PSME4: variants seen among roughly 807,000 people sequenced by gnomAD.
PSME4 encodes the protein proteasome activator subunit 4, also known as proteasome activator complex subunit 4.
PSME4 carries 89 observed loss-of-function variants against 253.9 expected under a neutral mutation model. The observed-to-expected ratio is 0.35, with a 90% CI of 0.30 to 0.42. PSME4 has a LOEUF of 0.42. Ranked by LOEUF, PSME4 falls within the 10% of genes least tolerant of loss-of-function variation. The probability of loss-of-function intolerance (pLI) is 1.00; values close to 1 mark genes in which losing one functional copy is unlikely to be tolerated. For synonymous variants in PSME4, 851 were observed against 759.2 expected (o/e 1.12, Z -1.99); for missense variants, 2,014 against 2,195.2 (o/e 0.92, Z 1.65).
chr2:53,960,037 T>C (rs977692399), intron 1 of PSME4, among the ~76,000 whole-genome samples: 1 of 152,238 alleles, frequency 6.6e-6, no homozygotes, highest in African/African-American at 2.4e-5. Flanking sequence ...TTTAGAAAGC[T>C]GTCATCACTT....
In PSME4 at chr2:53,876,751, C is replaced by T. The variant is rs1185007253; in HGVS notation, c.4816-996G>A. ...TTTTTTTTTTTGAGACAGGGTCTTGCGCTGTAGCCCAGGCTGGAGTGTAGT... is the reference window on the plus strand; with the variant it reads ...TTTTTTTTTTTGAGACAGGGTCTTGTGCTGTAGCCCAGGCTGGAGTGTAGT... On this transcript the variant is annotated intron_variant, in intron 41 of 46. Coordinates refer to ENST00000404125, the MANE Select transcript of PSME4 (RefSeq NM_014614.3). Among the ~76,000 whole-genome samples the T allele has an allele frequency of 3.2e-4, 29 of 91,934 alleles. 1 individual carries two copies. Among genetic ancestry groups the T allele is most frequent in the East Asian group, 1.1e-3 (2 of 1,808 alleles). 60.3% of individuals were successfully genotyped at this position (91,934 alleles called of 152,430 possible).
At chr2:53,890,328 A>G in intron 36 of PSME4, 120 bp from the exon 37 acceptor site, 1 of 691,026 alleles carries the variant, frequency 1.4e-6, no homozygotes, top group South Asian at 1.8e-5. Context: ...TATTTTTGAG[A>G]CATGGTCTCA....
intron 41 of PSME4, among the ~76,000 whole-genome samples, chr2:53,878,505 TG>T (rs1418963833): frequency 6.7e-6 from 1 of 149,620 alleles, no homozygotes; most frequent in Non-Finnish European, 1.5e-5. Flanking sequence ...GTGAGCCTGG[TG>T]GAACAGAGCC....
chr2:53,874,047 C>A (rs1679011836), intron 43 of PSME4, among the ~76,000 whole-genome samples: 1 of 152,180 alleles, frequency 6.6e-6, no homozygotes, highest in Non-Finnish European at 1.5e-5. Context: ...ACTGCAGGCT[C>A]AACCTCCAGG....
Position 53,898,359 on chromosome 2 carries a change from A to C in PSME4, c.3423-5T>G, listed in dbSNP as rs760563527. On this transcript the variant is annotated splice_region_variant and splice_polypyrimidine_tract_variant and intron_variant, in intron 29 of 46. Transcript: ENST00000404125. ...TCTACCAAATTTTCATAGTTCCTTT[A>C]AAAAAAAGGTGAGGTATTATTTTAC... 4.1e-5 allele frequency: 63 copies of C among 1,553,424 alleles called. No homozygotes were observed. Among genetic ancestry groups the C allele is most frequent in the South Asian group, 1.6e-4 (13 of 83,338 alleles).
In PSME4 at chr2:53,866,212, T is replaced by C. The variant is rs1356479266; in HGVS notation, c.5409A>G (p.Lys1803=). 4.3e-6 allele frequency: 7 copies of C among 1,614,070 alleles called. No individual in the cohort carries two copies. Among genetic ancestry groups the C allele is most frequent in the Non-Finnish European group, 5.1e-6 (6 of 1,179,966 alleles). ...TCCTTCGGAAATTGGATAAGGTTTTTTTTACAGTCATCTGTAAAGTAGACA... is the reference window on the plus strand; with the variant it reads ...TCCTTCGGAAATTGGATAAGGTTTTCTTTACAGTCATCTGTAAAGTAGACA... ...NDPQPIEMTV[K]KTLSNFRRTH... Residue 1803 remains lysine (K), a synonymous_variant, in exon 46 of 47, where the codon AAA becomes AAG. Coordinates refer to ENST00000404125, the MANE Select transcript of PSME4 (RefSeq NM_014614.3).
rs1347345185 is a variant in PSME4, at chr2:53,949,300, G to C, written c.243-17C>G. The C allele has an allele frequency of 1.3e-6, 2 of 1,498,614 alleles. No homozygotes were observed. Among genetic ancestry groups the C allele is most frequent in the Non-Finnish European group, 1.8e-6 (2 of 1,095,824 alleles). The allele number at this position is 1,498,614 out of a possible 1,614,324, so 92.8% of individuals were successfully genotyped here. A position where few individuals can be genotyped will look rare whatever the true frequency, so the allele number is the denominator to read the frequency against. The stretch of plus-strand genomic sequence containing the variant: ...CGAATATATCTGCAAGAGAAAAATA[G>C]ATATACCCTTTAAAAATAGGTATGA... On this transcript the variant is annotated splice_polypyrimidine_tract_variant and intron_variant, in intron 1 of 46. Coordinates refer to ENST00000404125, the MANE Select transcript of PSME4 (RefSeq NM_014614.3).
intron 1 of PSME4, among the ~76,000 whole-genome samples, chr2:53,959,194 G>T (rs937559253): frequency 6.6e-6 from 1 of 151,964 alleles, no homozygotes; most frequent in South Asian, 2.1e-4. Flanking sequence ...ACTGATTATT[G>T]TATTTTTTAT....
chr2:53,928,320 G>C lies in PSME4; in HGVS notation c.1317-17C>G. The C allele has an allele frequency of 1.2e-6, 2 of 1,602,990 alleles. No individual in the cohort carries two copies. Among genetic ancestry groups the C allele is most frequent in the Non-Finnish European group, 1.7e-6 (2 of 1,170,824 alleles). On this transcript the variant is annotated splice_polypyrimidine_tract_variant and intron_variant, in intron 10 of 46. Transcript: ENST00000404125. ...GGATATGTTCTACAGTTTGAAAACA[G>C]AATTTTTAAAGTCTCCATCACAGAT...
intron 43 of PSME4, among the ~76,000 whole-genome samples, chr2:53,872,323 C>T (rs759877638): frequency 6.6e-6 from 1 of 152,078 alleles, no homozygotes; most frequent in Non-Finnish European, 1.5e-5. Context: ...TTAAACAGTT[C>T]TCATTTAGAT....
chr2:53,955,315 C>A (rs992858227), intron 1 of PSME4, among the ~76,000 whole-genome samples: 1 of 152,130 alleles, frequency 6.6e-6, no homozygotes, highest in Non-Finnish European at 1.5e-5. Flanking sequence ...ACCGATGGCC[C>A]AGGATTGTTT....
intron 41 of PSME4, among the ~76,000 whole-genome samples, chr2:53,878,018 G>T (rs1679214816): frequency 6.6e-6 from 1 of 152,124 alleles, no homozygotes; most frequent in Admixed American, 6.6e-5. Context: ...AGTCTCTGAG[G>T]AAATAACCAA....
chr2:53,956,826 T>A (rs1221075347), intron 1 of PSME4, among the ~76,000 whole-genome samples: 2 of 152,118 alleles, frequency 1.3e-5, no homozygotes, highest in East Asian at 3.9e-4. Context: ...AATCAGATAA[T>A]CAATATTTCT....
chr2:53,908,231 T>A (rs2104441278), intron 24 of PSME4, 89 bp downstream of exon 24: 1 of 997,246 alleles, frequency 1.0e-6, no homozygotes, highest in Non-Finnish European at 1.4e-6. Flanking sequence ...TTAGGAAAAC[T>A]TCTTCTATAT....
rs1573198929 is a variant in PSME4, at chr2:53,877,528, A to G, written c.4816-1773T>C. ...TGTTGTTAAAAAAAATTATTCTGAC[A>G]TTTGATAAATTATTAAGGAAAAGTT... On this transcript the variant is annotated intron_variant, in intron 41 of 46. Transcript: ENST00000404125. Among the ~76,000 whole-genome samples, 3 of 152,318 alleles carry G rather than the reference A, an allele frequency of 2.0e-5. No homozygotes were observed. The South Asian group carries it at 6.2e-4, about 32-fold the overall frequency.
chr2:53,921,098 G>C lies in PSME4; in HGVS notation c.2053C>G (p.Arg685Gly). 1 of 1,613,420 alleles carries C rather than the reference G, an allele frequency of 6.2e-7. No individual in the cohort carries two copies. Among genetic ancestry groups the C allele is most frequent in the Non-Finnish European group, 8.5e-7 (1 of 1,179,884 alleles). ...AGAAGCAACTTCCTTCCATCCACTCGAGTAATCTAAAAGGAGGGAAAAAAT... is the reference window on the plus strand; with the variant it reads ...AGAAGCAACTTCCTTCCATCCACTCCAGTAATCTAAAAGGAGGGAAAAAAT... ...WNLQLLSEITRVDGRKLLLYR... is the reference protein window; with the variant it reads ...WNLQLLSEITGVDGRKLLLYR... The change falls in exon 18 of 47, where the codon CGA becomes GGA. Residue 685 changes from arginine (R) to glycine (G), a missense_variant. Around this residue, in one of 4 missense-constraint regions of PSME4, gnomAD observed 989 missense variants for 1,021.1 expected, o/e 0.97. Coordinates refer to ENST00000404125, the MANE Select transcript of PSME4 (RefSeq NM_014614.3).
chr2:53,909,047 C>A (rs1353506813), intron 21 of PSME4, among the ~76,000 whole-genome samples: 1 of 151,830 alleles, frequency 6.6e-6, no homozygotes, highest in Non-Finnish European at 1.5e-5. Flanking sequence ...AGATGTCTAT[C>A]ATGCTTCAAG....
At chr2:53,912,939 T>C (rs953492091) in intron 20 of PSME4, among the ~76,000 whole-genome samples, 3 of 152,200 alleles carry the variant, frequency 2.0e-5, no homozygotes, top group African/African-American at 4.8e-5. Context: ...CTTAAGTGAA[T>C]AGTCTTAAGG....
chr2:53,924,851 T>C (rs1047313971), intron 14 of PSME4, among the ~76,000 whole-genome samples: 2 of 152,210 alleles, frequency 1.3e-5, no homozygotes, highest in Admixed American at 6.5e-5. Context: ...TACTGAACCA[T>C]TGCTCCCAGG....
Sources: gnomAD v4.1 joint callset for allele counts (sites outside exome capture counted in the v4.1 genomes callset) on GRCh38, gnomAD v4.1.1 for gene constraint, gnomAD v4.1.1 regional missense constraint, MANE v1.5 for transcripts, NCBI Gene and HGNC (gene_info 2026-07-23, HGNC 2026-07-21) for gene names.